The following UGT1A10 variants were observed in gnomAD, a reference collection of about 807,000 sequenced individuals.
UGT1A10 encodes UDP glucuronosyltransferase family 1 member A10.
A neutral mutation model predicts 45.8 loss-of-function variants in UGT1A10; 49 were observed. The ratio of observed to expected loss-of-function variants is 1.07; its 90% confidence interval spans 0.85 to 1.36. The LOEUF (loss-of-function observed/expected upper bound fraction) is 1.36. Among genes scored for constraint, UGT1A10 ranks in the 40% most tolerant of loss-of-function variants. The probability of loss-of-function intolerance (pLI) is 0.00; values close to 1 mark genes in which losing one functional copy is unlikely to be tolerated. For synonymous variants in UGT1A10, 284 were observed against 249.7 expected, an observed-to-expected ratio of 1.14 and a Z score of -1.29; for missense variants, 745 against 668.6, an observed-to-expected ratio of 1.11 and a Z score of -1.26.
In UGT1A10 at chr2:233,755,078, G is replaced by C. The variant is rs756759474; in HGVS notation, c.856-11956G>C. On this transcript the variant is annotated intron_variant, in intron 1 of 4. Coordinates refer to ENST00000344644, the MANE Select transcript of UGT1A10 (RefSeq NM_019075.4). ...CCCTCGCCTCGCCATAGCGGTCATAGATATCGCGTTTCTACGCGTCCGACA... is the reference window on the plus strand; with the variant it reads ...CCCTCGCCTCGCCATAGCGGTCATACATATCGCGTTTCTACGCGTCCGACA... The C allele has an allele frequency of 6.7e-6, 9 of 1,336,426 alleles. No homozygotes were observed. In the East Asian group the frequency reaches 2.3e-4, roughly 34 times the overall value. The allele number at this position is 1,336,426 out of a possible 1,614,324, so 82.8% of individuals were successfully genotyped here.
At chr2:233,718,718 T>C in intron 1 of UGT1A10, 1 of 1,609,208 alleles carries the variant, frequency 6.2e-7, no homozygotes, top group Non-Finnish European at 8.5e-7. Flanking sequence ...AATTACATGC[T>C]GATTTGCTAG....
intron 1 of UGT1A10, among the ~76,000 whole-genome samples, chr2:233,721,052 T>G (rs1374543797): frequency 6.6e-6 from 1 of 151,950 alleles, no homozygotes; most frequent in Non-Finnish European, 1.5e-5. Context: ...CCCTTTTTTG[T>G]CATATTCACT....
intron 1 of UGT1A10, among the ~76,000 whole-genome samples, chr2:233,657,591 C>G (rs1413940121): frequency 1.3e-5 from 2 of 152,226 alleles, no homozygotes; most frequent in Non-Finnish European, 2.9e-5. Flanking sequence ...ATACCTCCCA[C>G]TAAGCCCCAC....
chr2:233,758,976 C>A (rs1219647743), intron 1 of UGT1A10, among the ~76,000 whole-genome samples: 1 of 152,198 alleles, frequency 6.6e-6, no homozygotes, highest in Non-Finnish European at 1.5e-5. Flanking sequence ...TCCCCTGGAT[C>A]TTGGGCCAGT....
chr2:233,645,193 A>G (rs2073567241), intron 1 of UGT1A10, among the ~76,000 whole-genome samples: 1 of 152,188 alleles, frequency 6.6e-6, no homozygotes. Flanking sequence ...AGGCTTCTTG[A>G]GAGACTTATT....
chr2:233,705,692 A>G (rs2075866354), intron 1 of UGT1A10, among the ~76,000 whole-genome samples: 1 of 152,226 alleles, frequency 6.6e-6, no homozygotes, highest in African/African-American at 2.4e-5. Flanking sequence ...AACGACTGGT[A>G]TAAAAATTCA....
intron 1 of UGT1A10, among the ~76,000 whole-genome samples, chr2:233,764,543 G>A (rs1413559282): frequency 2.6e-5 from 4 of 152,222 alleles, no homozygotes; most frequent in South Asian, 2.1e-4. Context: ...CTGAGTGGGC[G>A]TGTGGGAGGG....
intron 1 of UGT1A10, among the ~76,000 whole-genome samples, chr2:233,649,226 G>C (rs188319234): frequency 1.3e-5 from 2 of 152,132 alleles, no homozygotes; most frequent in Non-Finnish European, 2.9e-5. Context: ...ATGTGTATAC[G>C]ATTGGTTAAT....
At chr2:233,742,731 A>G (rs1692080362) in intron 1 of UGT1A10, 1 of 152,930 alleles carries the variant, frequency 6.5e-6, no homozygotes, top group Non-Finnish European at 1.5e-5. Context: ...TATGGGATTC[A>G]AATGTCTGAC....
At chr2:233,652,204 T>G (rs2073759560) in intron 1 of UGT1A10, among the ~76,000 whole-genome samples, 1 of 152,202 alleles carries the variant, frequency 6.6e-6, no homozygotes, top group East Asian at 1.9e-4. Flanking sequence ...ATTGTGAGAT[T>G]CAAATTAAGA....
chr2:233,760,272 C>A (rs2125981625), intron 1 of UGT1A10: 1 of 1,612,378 alleles, frequency 6.2e-7, no homozygotes, highest in Non-Finnish European at 8.5e-7. Context: ...GAACCTCTGG[C>A]AGGAGCAAAG....
intron 1 of UGT1A10, among the ~76,000 whole-genome samples, chr2:233,646,102 C>T (rs1447112734): frequency 6.6e-6 from 1 of 152,222 alleles, no homozygotes; most frequent in Admixed American, 6.5e-5. Flanking sequence ...ATGGAAGCTG[C>T]CAAGGCTCGG....
At chr2:233,677,067 A>G (rs1037275655) in intron 1 of UGT1A10, among the ~76,000 whole-genome samples, 1 of 151,932 alleles carries the variant, frequency 6.6e-6, no homozygotes, top group Non-Finnish European at 1.5e-5. Context: ...AAATAAGTTC[A>G]TTAATGTGTG....
At chr2:233,734,025 G>A (rs2078469594) in intron 1 of UGT1A10, among the ~76,000 whole-genome samples, 1 of 152,102 alleles carries the variant, frequency 6.6e-6, no homozygotes, top group East Asian at 1.9e-4. Context: ...GTTAATGGGT[G>A]CAGCACACCA....
Position 233,700,704 on chromosome 2 carries a change from GT to G in UGT1A10, c.855+63334del, listed in dbSNP as rs199725937. Among the ~76,000 whole-genome samples the G allele has an allele frequency of 4.5e-3, 682 of 151,722 alleles. 11 individuals are homozygous for G. The highest frequency in any genetic ancestry group is 0.016 in the African/African-American group (644 of 41,324). On this transcript the variant is annotated intron_variant, in intron 1 of 4. Coordinates refer to ENST00000344644, the MANE Select transcript of UGT1A10 (RefSeq NM_019075.4). ...ATAATATATAAACTACACTTTGAAT[GT>G]TTTTTTCTTTTTTTAAAAATTTTAT...
At chr2:233,672,072 G>A (rs2074209512) in intron 1 of UGT1A10, 1 of 1,614,146 alleles carries the variant, frequency 6.2e-7, no homozygotes, top group Non-Finnish European at 8.5e-7. Context: ...CGGTGGTGGA[G>A]AAACTCATTC....
In UGT1A10 at chr2:233,725,047, C is replaced by T. The variant is rs528406821; in HGVS notation, c.856-41987C>T. ...CCGGTCTCCACCAAAACCAGTCAGG[C>T]GTGGCGGCGCGCGCCTGCAATCGCA... On this transcript the variant is annotated intron_variant, in intron 1 of 4. Transcript: ENST00000344644. 6.6e-4 allele frequency among the ~76,000 whole-genome samples: 97 copies of T among 147,932 alleles called. 5 individuals carry two copies. The highest frequency in any genetic ancestry group is 9.2e-4 in the South Asian group (4 of 4,340).
chr2:233,648,043 C>T lies in UGT1A10; in HGVS notation c.855+10666C>T. The T allele has an allele frequency of 3.1e-6, 5 of 1,589,222 alleles. No individual in the cohort carries two copies. The South Asian group carries it at 5.8e-5, about 18-fold the overall frequency. On this transcript the variant is annotated intron_variant, in intron 1 of 4. Coordinates refer to ENST00000344644, the MANE Select transcript of UGT1A10 (RefSeq NM_019075.4). ...GGTGAGTTGGCAACTGGGAAGATCA[C>T]TGAATTGCACAGTGAAGACTTCTTC...
chr2:233,636,656 T>A lies in UGT1A10; in HGVS notation c.134T>A (p.Val45Glu). The change falls in exon 1 of 5, where the codon GTG (valine) becomes GAG (glutamate). Residue 45 changes from valine to glutamate, a missense_variant. Physicochemically the swap from Val to Glu is moderately radical, Grantham distance 121 (BLOSUM62 -2). Transcript: ENST00000344644. ...GSHWFTMQSV[V>E]EKLILRGHEV... Reference sequence around the variant, plus strand: ...CACTGGTTCACCATGCAGTCGGTGGTGGAGAAACTTATCCTCAGGGGGCAT... The same window carrying A: ...CACTGGTTCACCATGCAGTCGGTGGAGGAGAAACTTATCCTCAGGGGGCAT... The A allele has an allele frequency of 6.2e-7, 1 of 1,614,118 alleles. No homozygotes were observed. Among genetic ancestry groups the A allele is most frequent in the Non-Finnish European group, 8.5e-7 (1 of 1,180,016 alleles).
Sources: allele counts gnomAD v4.1 joint callset (sites outside exome capture counted in the v4.1 genomes callset), GRCh38; gene constraint gnomAD v4.1.1; transcripts MANE v1.5; gene names NCBI Gene and HGNC (gene_info 2026-07-23, HGNC 2026-07-21).